The following HORMAD2 variants were observed in gnomAD, a reference collection of about 807,000 sequenced individuals.
The protein encoded by HORMAD2 is HORMA domain-containing protein 2.
In HORMAD2, 45 loss-of-function variants were observed where a neutral mutation model predicts 38.8. The ratio of observed to expected loss-of-function variants is 1.16; its 90% confidence interval spans 0.91 to 1.49. HORMAD2 has a LOEUF of 1.49. Among genes scored for constraint, HORMAD2 ranks in the 40% most tolerant of loss-of-function variants. The pLI is 0.00. For synonymous variants in HORMAD2, 126 were observed against 122.8 expected (o/e 1.03, Z -0.17); for missense variants, 338 against 367.0 (o/e 0.92, Z 0.65).
chr22:30,108,284 T>C (rs1029519511), intron 5 of HORMAD2, among the ~76,000 whole-genome samples: 6 of 152,140 alleles, frequency 3.9e-5, no homozygotes, highest in Non-Finnish European at 8.8e-5. Flanking sequence ...GATCATGTCA[T>C]TCTTTTGCCT....
intron 5 of HORMAD2, among the ~76,000 whole-genome samples, chr22:30,104,802 T>C (rs1007511949): frequency 2.6e-5 from 4 of 152,246 alleles, no homozygotes; most frequent in African/African-American, 9.6e-5. Context: ...AAAATTGACT[T>C]GAATAATTGG....
chr22:30,156,802 A>G (rs1925104140), intron 10 of HORMAD2, among the ~76,000 whole-genome samples: 1 of 152,234 alleles, frequency 6.6e-6, no homozygotes, highest in African/African-American at 2.4e-5. Context: ...GCACTGACGA[A>G]GAGTCAGGGC....
rs373852237 is a variant in HORMAD2, at chr22:30,129,954, C to T, written c.819+7740C>T. On this transcript the variant is annotated intron_variant, in intron 10 of 10. Transcript: ENST00000336726. ...GAATTACAATACTGAATGTTCCACG[C>T]CTTTCCTGTATCCTACATGGCTTTG... Among the ~76,000 whole-genome samples the T allele has an allele frequency of 2.1e-4, 32 of 152,216 alleles. No individual in the cohort carries two copies. In the South Asian group the frequency reaches 5.4e-3, roughly 26 times the overall value.
chr22:30,155,188 G>A (rs1924994364), intron 10 of HORMAD2, among the ~76,000 whole-genome samples: 1 of 151,922 alleles, frequency 6.6e-6, no homozygotes, highest in Non-Finnish European at 1.5e-5. Context: ...TTTCAATTAT[G>A]TTTTATTTGG....
the HORMAD2 span, among the ~76,000 whole-genome samples, chr22:30,183,636 C>T: frequency 6.6e-6 from 1 of 152,198 alleles, no homozygotes; most frequent in Non-Finnish European, 1.5e-5. Context: ...TGATGAAGGT[C>T]ACACAGTTAG....
chr22:30,103,282 G>A (rs1920970768), intron 3 of HORMAD2, among the ~76,000 whole-genome samples, 155 bp from the exon 4 acceptor site: 1 of 152,108 alleles, frequency 6.6e-6, no homozygotes, highest in Admixed American at 6.6e-5. Flanking sequence ...TATTTTTAAA[G>A]TAGATGTTTA....
At chr22:30,099,923 A>T (rs945637393) in intron 3 of HORMAD2, among the ~76,000 whole-genome samples, 1 of 151,908 alleles carries the variant, frequency 6.6e-6, no homozygotes, top group Non-Finnish European at 1.5e-5. Context: ...AAAACAAAAA[A>T]CCCAAGTACC....
intron 10 of HORMAD2, among the ~76,000 whole-genome samples, chr22:30,175,759 T>C (rs1926416911): frequency 6.6e-6 from 1 of 152,186 alleles, no homozygotes; most frequent in South Asian, 2.1e-4. Flanking sequence ...AATTGCTTCT[T>C]GTTGGCCCCA....
intron 10 of HORMAD2, chr22:30,137,109 G>A (rs993180116): frequency 2.6e-6 from 1 of 383,504 alleles, no homozygotes; most frequent in Non-Finnish European, 4.9e-6. Context: ...TTAAATCATG[G>A]TCTGCTATTT....
chr22:30,092,345 C>CTTTT (rs34673975), intron 1 of HORMAD2, among the ~76,000 whole-genome samples: 5 of 107,962 alleles, frequency 4.6e-5, no homozygotes, highest in African/African-American at 1.8e-4. Context: ...AGATCCTTTG[C>CTTTT]TTTTTTTTTT....
Position 30,129,021 on chromosome 22 carries a change from G to A in HORMAD2, c.819+6807G>A, listed in dbSNP as rs762837784. On this transcript the variant is annotated intron_variant, in intron 10 of 10. Coordinates refer to ENST00000336726, the MANE Select transcript of HORMAD2 (RefSeq NM_152510.4). ...CAAGGTCAGGAGATCGAGGCCGTCC[G>A]TCCTGGCTAACACAGTGAAACCCTG... Among the ~76,000 whole-genome samples, 19 of 151,746 alleles carry A rather than the reference G, an allele frequency of 1.3e-4. 1 individual carries two copies. Among genetic ancestry groups the A allele is most frequent in the South Asian group, 8.3e-4 (4 of 4,802 alleles).
intron 3 of HORMAD2, among the ~76,000 whole-genome samples, chr22:30,101,384 T>C (rs1406578996): frequency 1.3e-5 from 2 of 148,424 alleles, no homozygotes; most frequent in South Asian, 2.1e-4. Context: ...AGTTGAACAA[T>C]GAGAACACAT....
intron 10 of HORMAD2, among the ~76,000 whole-genome samples, chr22:30,162,318 TACACACACACAC>T (rs71198531): frequency 6.8e-6 from 1 of 147,968 alleles, no homozygotes; most frequent in Non-Finnish European, 1.5e-5. Flanking sequence ...CGTCTCAAAA[TACACACACACAC>T]ACACACACAC....
At chr22:30,128,229 G>A (rs912832723) in intron 10 of HORMAD2, among the ~76,000 whole-genome samples, 3 of 152,048 alleles carry the variant, frequency 2.0e-5, no homozygotes, top group Non-Finnish European at 2.9e-5. Context: ...TAACATTAAA[G>A]TAATTTAAAA....
At chr22:30,110,724 T>G (rs1250623294) in intron 5 of HORMAD2, among the ~76,000 whole-genome samples, 1 of 152,030 alleles carries the variant, frequency 6.6e-6, no homozygotes, top group Non-Finnish European at 1.5e-5. Context: ...AATTTTGACC[T>G]TCCTGGAAAA....
intron 1 of HORMAD2, among the ~76,000 whole-genome samples, chr22:30,082,784 TTACTC>T (rs2068506147): frequency 6.9e-6 from 1 of 144,898 alleles, no homozygotes; most frequent in Non-Finnish European, 1.5e-5. Flanking sequence ...CCACCGCACT[TTACTC>T]TGTCTCAAAA....
At chr22:30,168,383 T>A (rs571226313) in intron 10 of HORMAD2, among the ~76,000 whole-genome samples, 1 of 152,322 alleles carries the variant, frequency 6.6e-6, no homozygotes, top group Admixed American at 6.5e-5. Flanking sequence ...TTGTCCCAAG[T>A]GAATACTTCT....
the HORMAD2 span, among the ~76,000 whole-genome samples, chr22:30,186,464 T>G: frequency 6.6e-6 from 1 of 152,002 alleles, no homozygotes; most frequent in African/African-American, 2.4e-5. Flanking sequence ...AATCATTCAG[T>G]TTTTTATTCT....
chr22:30,126,851 G>A (rs939417040), intron 10 of HORMAD2, among the ~76,000 whole-genome samples: 9 of 152,246 alleles, frequency 5.9e-5, no homozygotes, highest in African/African-American at 1.4e-4. Flanking sequence ...AACCCTTGGC[G>A]TTTTCCATCG....
Sources: allele counts gnomAD v4.1 joint callset (sites outside exome capture counted in the v4.1 genomes callset), GRCh38; gene constraint gnomAD v4.1.1; transcripts MANE v1.5; gene names NCBI Gene and HGNC (gene_info 2026-07-23, HGNC 2026-07-21).